Variants in FARS2 observed in about 807,000 individuals in gnomAD.
FARS2 encodes phenylalanyl-tRNA synthetase 2, mitochondrial, also known as phenylalanine--tRNA ligase, mitochondrial.
Under a neutral mutation model 46.4 loss-of-function variants are expected in FARS2, and 40 were observed. The observed-to-expected ratio is 0.86, with a 90% confidence interval of 0.67 to 1.12. The LOEUF is 1.12. Among genes scored for constraint, FARS2 ranks in the 50% most tolerant of loss-of-function variants. The pLI is 0.00. For missense variants in FARS2, 513 were observed against 567.9 expected (o/e 0.90, Z 0.98); for synonymous variants, 234 against 214.9 (o/e 1.09, Z -0.78).
Position 5,512,171 on chromosome 6 carries a change from G to A in FARS2, c.905-33009G>A, listed in dbSNP as rs554225739. Among the ~76,000 whole-genome samples the A allele has an allele frequency of 3.3e-5, 5 of 152,176 alleles. No homozygotes were observed. The East Asian group carries it at 9.7e-4, about 29-fold the overall frequency. ...CAGAAACCCAACTAAAGCAAAAAAA[G>A]GAAATTCAATTGCTCACATAATAGG... is the stretch of plus-strand genomic sequence containing the variant. On this transcript the variant is annotated intron_variant, in intron 4 of 6. Transcript: ENST00000274680.
chr6:5,532,536 C>T (rs890971994), intron 4 of FARS2, among the ~76,000 whole-genome samples: 10 of 152,084 alleles, frequency 6.6e-5, no homozygotes, highest in Non-Finnish European at 1.2e-4. Flanking sequence ...TGGATCACAG[C>T]GTCAGGCGTT....
intron 5 of FARS2, among the ~76,000 whole-genome samples, chr6:5,596,060 T>A (rs1029795644): frequency 2.0e-5 from 3 of 152,204 alleles, no homozygotes; most frequent in Admixed American, 2.0e-4. Context: ...ATTTTCATAA[T>A]AATTCAATGA....
intron 6 of FARS2, among the ~76,000 whole-genome samples, chr6:5,659,806 A>G (rs1777768220): frequency 1.3e-5 from 2 of 152,194 alleles, no homozygotes; most frequent in African/African-American, 4.8e-5. Flanking sequence ...TGTAATATAA[A>G]CATGACAAGG....
At chr6:5,619,076 T>C (rs1016152322) in intron 6 of FARS2, among the ~76,000 whole-genome samples, 10 of 152,224 alleles carry the variant, frequency 6.6e-5, no homozygotes, top group African/African-American at 2.2e-4. Flanking sequence ...AAATGGGGTA[T>C]GAGGAAGAGT....
rs1761359823 is a variant in FARS2 at position 5,403,154 on chromosome 6, T to A, written c.613-1388T>A. ...GTCCTCATAAGAATAATTTGAGGCCTAGGATATTAGAATATTTCTCTGAAA... is the reference window on the plus strand; with the variant it reads ...GTCCTCATAAGAATAATTTGAGGCCAAGGATATTAGAATATTTCTCTGAAA... On this transcript the variant is annotated intron_variant, in intron 2 of 6. Transcript: ENST00000274680. Among the ~76,000 whole-genome samples the A allele has an allele frequency of 2.6e-5, 4 of 152,372 alleles. No individual in the cohort carries two copies. In the South Asian group the frequency reaches 8.3e-4, roughly 32 times the overall value.
chr6:5,627,174 A>G (rs1489522176), intron 6 of FARS2, among the ~76,000 whole-genome samples: 2 of 152,330 alleles, frequency 1.3e-5, no homozygotes, highest in East Asian at 1.9e-4. Flanking sequence ...TTGCATATGC[A>G]GTCTTTCTTT....
At chr6:5,283,039 C>G (rs1766848147) in intron 1 of FARS2, among the ~76,000 whole-genome samples, 1 of 151,884 alleles carries the variant, frequency 6.6e-6, no homozygotes, top group Non-Finnish European at 1.5e-5. Context: ...GAGTTCAAGA[C>G]CAGACTGGCT....
chr6:5,305,431 T>C (rs955697926), intron 1 of FARS2, among the ~76,000 whole-genome samples: 4 of 152,116 alleles, frequency 2.6e-5, no homozygotes, highest in Non-Finnish European at 4.4e-5. Context: ...AGTAGTGGGA[T>C]CCCACAGTTT....
chr6:5,737,590 T>C (rs1242782054), intron 6 of FARS2, among the ~76,000 whole-genome samples: 3 of 152,146 alleles, frequency 2.0e-5, no homozygotes, highest in Admixed American at 6.5e-5. Flanking sequence ...TCTGGAATAG[T>C]GTGAGTGGCA....
chr6:5,637,495 A>T (rs73360291), intron 6 of FARS2, among the ~76,000 whole-genome samples: 1,638 of 152,280 alleles, frequency 0.011, 39 homozygotes, highest in African/African-American at 0.038. Flanking sequence ...TAAGTGACAG[A>T]GACAGCATCG....
At chr6:5,289,824 T>A (rs548496628) in intron 1 of FARS2, among the ~76,000 whole-genome samples, 9 of 152,338 alleles carry the variant, frequency 5.9e-5, no homozygotes, top group East Asian at 5.8e-4. Flanking sequence ...CTGGTTCTTT[T>A]GTTACTTGGG....
chr6:5,690,179 A>C (rs1757588839), intron 6 of FARS2, among the ~76,000 whole-genome samples: 2 of 151,956 alleles, frequency 1.3e-5, no homozygotes, highest in African/African-American at 4.8e-5. Flanking sequence ...TTTTAATTGG[A>C]GCATTTAGTC....
chr6:5,376,338 A>G (rs958300986), intron 2 of FARS2, among the ~76,000 whole-genome samples: 2 of 152,206 alleles, frequency 1.3e-5, no homozygotes, highest in African/African-American at 2.4e-5. Flanking sequence ...AAACAACCAA[A>G]TATGATTCCA....
chr6:5,271,560 GTT>G (rs59053657), intron 1 of FARS2, among the ~76,000 whole-genome samples: 1 of 108,684 alleles, frequency 9.2e-6, no homozygotes, highest in Non-Finnish European at 1.8e-5. Flanking sequence ...GACTATGTCT[GTT>G]TTTTTTTTTT....
At chr6:5,361,547 T>A in intron 1 of FARS2, among the ~76,000 whole-genome samples, 1 of 152,230 alleles carries the variant, frequency 6.6e-6, no homozygotes, top group East Asian at 1.9e-4. Flanking sequence ...ACTGCCTGCT[T>A]ATAGCCCTTC....
At chr6:5,279,542 A>C (rs1766579698) in intron 1 of FARS2, among the ~76,000 whole-genome samples, 1 of 149,672 alleles carries the variant, frequency 6.7e-6, no homozygotes, top group Non-Finnish European at 1.5e-5. Context: ...ATATAGAAAA[A>C]ATAAAAAATA....
At chr6:5,688,238 T>A (rs1757406477) in intron 6 of FARS2, among the ~76,000 whole-genome samples, 1 of 152,234 alleles carries the variant, frequency 6.6e-6, no homozygotes, top group Non-Finnish European at 1.5e-5. Flanking sequence ...CAACACTGTG[T>A]TGAATAGGAG....
chr6:5,659,450 CG>C (rs1050797688), intron 6 of FARS2, among the ~76,000 whole-genome samples: 3 of 152,156 alleles, frequency 2.0e-5, no homozygotes, highest in Non-Finnish European at 4.4e-5. Flanking sequence ...AGTGACAGTC[CG>C]GTGAGCAGAT....
At chr6:5,769,648 G>C (rs1762931206) in intron 6 of FARS2, among the ~76,000 whole-genome samples, 2 of 152,182 alleles carry the variant, frequency 1.3e-5, no homozygotes, top group Admixed American at 1.3e-4. Flanking sequence ...GAGAGGATTT[G>C]ATTTCTCCCT....
Sources: gnomAD v4.1 joint callset for allele counts (sites outside exome capture counted in the v4.1 genomes callset) on GRCh38, gnomAD v4.1.1 for gene constraint, MANE v1.5 for transcripts, NCBI Gene and HGNC (gene_info 2026-07-23, HGNC 2026-07-21) for gene names.